Variants in CCNG2 observed in about 807,000 individuals in gnomAD.
The protein encoded by CCNG2 is cyclin-G2.
In CCNG2, 20 loss-of-function variants were observed where a neutral mutation model predicts 36.5. The observed-to-expected ratio is 0.55, with a 90% CI of 0.39 to 0.80. The LOEUF is 0.80. CCNG2 is among the 30% of genes least tolerant of loss of function. CCNG2 has a pLI of 0.00. For missense variants in CCNG2, 358 were observed against 390.8 expected, an observed-to-expected ratio of 0.92 and a Z score of 0.71; for synonymous variants, 155 against 140.1, an observed-to-expected ratio of 1.11 and a Z score of -0.75.
rs571794447 is a variant in CCNG2 at position 77,166,475 on chromosome 4, T to A, written c.*551T>A. On this transcript the variant is annotated 3_prime_UTR_variant, in exon 8 of 8. Transcript: ENST00000316355. ...TGATGTGATGCAGATCTTATAAATT[T>A]GGGAATTATAATATTGACATTTCTG... 1 of 152,338 alleles carries A rather than the reference T, an allele frequency of 6.6e-6. No individual in the cohort carries two copies. The highest frequency in any genetic ancestry group is 2.1e-4 in the South Asian group (1 of 4,830). 9.4% of individuals were successfully genotyped at this position (152,338 alleles called of 1,614,324 possible). A position where few individuals can be genotyped will look rare whatever the true frequency, so the allele number is the denominator to read the frequency against.
At chr4:77,163,809 G>A (rs924053024) in intron 6 of CCNG2, among the ~76,000 whole-genome samples, 2 of 152,216 alleles carry the variant, frequency 1.3e-5, no homozygotes, top group African/African-American at 4.8e-5. Context: ...GGTGTTATAA[G>A]TGTGTATTAC....
chr4:77,159,260 A>T, intron 2 of CCNG2, 107 bp from the exon 3 acceptor site: 1 of 1,020,882 alleles, frequency 9.8e-7, no homozygotes, highest in East Asian at 2.4e-5. Flanking sequence ...AGGGAAAAAA[A>T]TTAACCTTAT....
intron 2 of CCNG2, 26 bp downstream of exon 2, chr4:77,158,696 C>T: frequency 5.6e-6 from 9 of 1,606,638 alleles, no homozygotes; most frequent in Non-Finnish European, 6.8e-6. Context: ...AGATAACTTG[C>T]TCAAGCAGCT....
At position 77,168,319 on chromosome 4, in the gene CCNG2, G is replaced by A. The variant is rs1731681088; in HGVS notation, c.*2395G>A. On this transcript the variant is annotated 3_prime_UTR_variant, in exon 8 of 8. Transcript: ENST00000316355. ...TCTGCCATTGGCATGGTTTAGACCT[G>A]TACTCTTTATCAGCAGAGGTACTGT... The A allele has an allele frequency of 6.6e-6, 1 of 152,164 alleles. No individual in the cohort carries two copies. The highest frequency in any genetic ancestry group is 1.5e-5 in the Non-Finnish European group (1 of 68,048). 9.4% of individuals were successfully genotyped at this position (152,164 alleles called of 1,614,324 possible).
At chr4:77,164,246 G>A (rs769307109) in intron 6 of CCNG2, 28 bp from the exon 7 acceptor site, 21 of 1,565,946 alleles carry the variant, frequency 1.3e-5, no homozygotes, top group African/African-American at 9.5e-5. Flanking sequence ...AGACATTGCC[G>A]TAACCTCTTA....
At chr4:77,164,606 G>GC in intron 7 of CCNG2, 127 bp downstream of exon 7, 2 of 636,474 alleles carry the variant, frequency 3.1e-6, no homozygotes, top group South Asian at 2.2e-5. Flanking sequence ...AAGAATTAAA[G>GC]CCCCCACTCT....
chr4:77,159,117 A>G (rs1002823037), intron 2 of CCNG2, among the ~76,000 whole-genome samples: 5 of 152,244 alleles, frequency 3.3e-5, no homozygotes, highest in African/African-American at 9.6e-5. Flanking sequence ...GCAACAGTTC[A>G]CCTTATATTG....
At position 77,167,292 on chromosome 4, in the gene CCNG2, A is replaced by G. The variant is rs1182834940; in HGVS notation, c.*1368A>G. ...ATGAGAAGACTTTAGGTGAGGCTAC[A>G]GTGATTCCAGAGTGAGCCTTCTAAC... On this transcript the variant is annotated 3_prime_UTR_variant, in exon 8 of 8. Transcript: ENST00000316355. The G allele has an allele frequency of 2.0e-5, 3 of 152,230 alleles. No homozygotes were observed. The highest frequency in any genetic ancestry group is 7.2e-5 in the African/African-American group (3 of 41,460). The allele number at this position is 152,230 out of a possible 1,614,324, so 9.4% of individuals were successfully genotyped here.
intron 1 of CCNG2, 24 bp from the exon 2 acceptor site, chr4:77,158,509 C>T (rs759620752): frequency 1.9e-6 from 3 of 1,613,696 alleles, no homozygotes; most frequent in African/African-American, 1.3e-5. Flanking sequence ...AGATTACATT[C>T]TCTGTGTGGT....
intron 1 of CCNG2, among the ~76,000 whole-genome samples, 187 bp downstream of exon 1, chr4:77,157,693 C>T (rs79256059): frequency 5.3e-5 from 8 of 151,768 alleles, no homozygotes; most frequent in Admixed American, 2.6e-4. Flanking sequence ...GATAGATGCT[C>T]GTGGGGTGGA....
rs1309026632 is a variant in CCNG2, at chr4:77,168,970, T to C, written c.*3046T>C. Reference sequence around the variant, plus strand: ...GGTGCACGCACTTTGCTGTTGCGCATGGTGAAGTATTGTGCCTAGGTCCTG... The same window carrying C: ...GGTGCACGCACTTTGCTGTTGCGCACGGTGAAGTATTGTGCCTAGGTCCTG... On this transcript the variant is annotated 3_prime_UTR_variant, in exon 8 of 8. Transcript: ENST00000316355. 1 of 152,310 alleles carries C rather than the reference T, an allele frequency of 6.6e-6. No homozygotes were observed. The highest frequency in any genetic ancestry group is 2.4e-5 in the African/African-American group (1 of 41,462). 9.4% of individuals were successfully genotyped at this position (152,310 alleles called of 1,614,324 possible).
At position 77,169,363 on chromosome 4, in the gene CCNG2, AC is replaced by A. The variant is rs1731709714; in HGVS notation, c.*3440del. ...TTGTTACTGGAATTCAGTTTTCCTAACTATTTACTACCAGAAATGGTCAATA... is the reference window on the plus strand; with the variant it reads ...TTGTTACTGGAATTCAGTTTTCCTAATATTTACTACCAGAAATGGTCAATA... On this transcript the variant is annotated 3_prime_UTR_variant, in exon 8 of 8. Transcript: ENST00000316355. 6.6e-6 allele frequency: 1 copy of A among 152,112 alleles called. No individual in the cohort carries two copies. Among genetic ancestry groups the A allele is most frequent in the African/African-American group, 2.4e-5 (1 of 41,344 alleles). 9.4% of individuals were successfully genotyped at this position (152,112 alleles called of 1,614,324 possible).
chr4:77,158,486 CCCTCTTACCCCCAGATTACAT>C (rs1280790442), intron 1 of CCNG2, 26 bp from the exon 2 acceptor site: 1 of 1,606,788 alleles, frequency 6.2e-7, no homozygotes, highest in African/African-American at 1.3e-5. Flanking sequence ...GCTTCCCCAC[CCCTCTTACCCCCAGATTACAT>C]TCTCTGTGTG....
rs1452720515 is a variant in CCNG2, at chr4:77,158,525, T to C, written c.1-8T>C. 2 of 1,614,140 alleles carry C rather than the reference T, an allele frequency of 1.2e-6. No individual in the cohort carries two copies. Among genetic ancestry groups the C allele is most frequent in the East Asian group, 2.2e-5 (1 of 44,862 alleles). ...GATTACATTCTCTGTGTGGTGTCTT[T>C]ACTGCAGATGAAGGATTTGGGGGCA... On this transcript the variant is annotated splice_polypyrimidine_tract_variant and splice_region_variant and intron_variant, in intron 1 of 7. Coordinates refer to ENST00000316355, the MANE Select transcript of CCNG2 (RefSeq NM_004354.3).
rs1176966321 is a variant in CCNG2 at position 77,158,666 on chromosome 4, C to T, written c.134C>T (p.Pro45Leu). 4.3e-6 allele frequency: 7 copies of T among 1,613,998 alleles called. No homozygotes were observed. Among genetic ancestry groups the T allele is most frequent in the African/African-American group, 1.3e-5 (1 of 74,974 alleles). Reference sequence around the variant, plus strand: ...GGGCTGAGTTTGATTGAGGCTACCCCGGAGGTAAGTTGGCAGAAAAGATAA... The same window carrying T: ...GGGCTGAGTTTGATTGAGGCTACCCTGGAGGTAAGTTGGCAGAAAAGATAA... The part of the protein sequence containing the change: ...EKGLSLIEAT[P>L]ENDNTLCPGL... Residue 45 changes from proline (P) to leucine (L), a missense_variant, in exon 2 of 8, where the codon CCG becomes CTG. Pro to Leu is a moderately conservative substitution (Grantham distance 98). Transcript: ENST00000316355.
chr4:77,166,151 T>G lies in CCNG2; in HGVS notation c.*227T>G. ...TAACAGTACTTTAGACATTGGCACT[T>G]TATTTTTCTCGTAGATCTTTAGCTA... On this transcript the variant is annotated 3_prime_UTR_variant, in exon 8 of 8. Transcript: ENST00000316355. 3.1e-6 allele frequency: 1 copy of G among 324,752 alleles called. No individual in the cohort carries two copies. Among genetic ancestry groups the G allele is most frequent in the Non-Finnish European group, 5.6e-6 (1 of 179,818 alleles). 20.1% of individuals were successfully genotyped at this position (324,752 alleles called of 1,614,324 possible).
rs1035850085 is a variant in CCNG2 at position 77,168,652 on chromosome 4, C to G, written c.*2728C>G. ...CAGCATGGAGACCAGTCTGACTGAA[C>G]TAAGGCAGTGGAAGTGTGGATGAGG... On this transcript the variant is annotated 3_prime_UTR_variant, in exon 8 of 8. Coordinates refer to ENST00000316355, the MANE Select transcript of CCNG2 (RefSeq NM_004354.3). The G allele has an allele frequency of 6.6e-6, 1 of 152,122 alleles. No individual in the cohort carries two copies. Among genetic ancestry groups the G allele is most frequent in the African/African-American group, 2.4e-5 (1 of 41,352 alleles). 9.4% of individuals were successfully genotyped at this position (152,122 alleles called of 1,614,324 possible).
chr4:77,160,399 G>T (rs1336744383), intron 3 of CCNG2, among the ~76,000 whole-genome samples: 2 of 147,022 alleles, frequency 1.4e-5, no homozygotes, highest in Non-Finnish European at 3.0e-5. Context: ...GGCTTGCTGT[G>T]TTGGCCAGAA....
At chr4:77,160,631 T>C (rs1577904937) in intron 3 of CCNG2, 90 bp from the exon 4 acceptor site, 1 of 1,288,838 alleles carries the variant, frequency 7.8e-7, no homozygotes, top group Non-Finnish European at 1.1e-6. Flanking sequence ...TTGTGTTCTG[T>C]CTTAAGAATA....
Sources: gnomAD v4.1 joint callset for allele counts (sites outside exome capture counted in the v4.1 genomes callset) on GRCh38, gnomAD v4.1.1 for gene constraint, MANE v1.5 for transcripts, NCBI Gene and HGNC (gene_info 2026-07-23, HGNC 2026-07-21) for gene names.